Variants in RAPGEF1 observed in about 807,000 individuals in gnomAD.
The protein encoded by RAPGEF1 is CRK SH3-binding GNRP.
A neutral mutation model predicts 143.3 loss-of-function variants in RAPGEF1; 33 were observed. That is an observed-to-expected ratio of 0.23 (90% CI 0.17 to 0.31). The LOEUF (loss-of-function observed/expected upper bound fraction) is 0.31, where lower values mean the gene tolerates loss of function less well. Among genes scored for constraint, RAPGEF1 ranks in the 10% least tolerant of loss-of-function variants. The pLI, the probability that RAPGEF1 is intolerant of heterozygous loss-of-function variation, is 1.00. For missense variants in RAPGEF1, 1,199 were observed against 1,645.4 expected, an observed-to-expected ratio of 0.73 and a Z score of 4.69; for synonymous variants, 629 against 676.5, an observed-to-expected ratio of 0.93 and a Z score of 1.09.
intron 1 of RAPGEF1, among the ~76,000 whole-genome samples, chr9:131,717,038 T>C (rs1835912233): frequency 6.6e-6 from 1 of 152,132 alleles, no homozygotes; most frequent in African/African-American, 2.4e-5. Context: ...AGATCAGTGT[T>C]GAGGGTCCCA....
At chr9:131,592,346 C>T (rs1215774715) in intron 17 of RAPGEF1, among the ~76,000 whole-genome samples, 163 bp from the exon 18 acceptor site, 3 of 152,130 alleles carry the variant, frequency 2.0e-5, no homozygotes, top group Non-Finnish European at 2.9e-5. Flanking sequence ...CTGGTGTCTC[C>T]GCCTGCATGT....
intron 17 of RAPGEF1, among the ~76,000 whole-genome samples, 198 bp from the exon 18 acceptor site, chr9:131,592,381 T>G (rs1263768542): frequency 6.6e-6 from 1 of 152,148 alleles, no homozygotes; most frequent in Non-Finnish European, 1.5e-5. Context: ...ACGTCCTCTC[T>G]GTCCATCTCT....
chr9:131,621,738 G>T lies in RAPGEF1; in HGVS notation c.1905+58C>A. 1 of 1,501,410 alleles carries T rather than the reference G, an allele frequency of 6.7e-7. No homozygotes were observed. Among genetic ancestry groups the T allele is most frequent in the Non-Finnish European group, 9.0e-7 (1 of 1,108,232 alleles). 93.0% of individuals were successfully genotyped at this position (1,501,410 alleles called of 1,614,324 possible). Reference sequence around the variant, plus strand: ...CCCTGCCCCCAAGGAGGGTCATTCTGGTTCCTAGAGACCTGCTAGGATCGG... The same window carrying T: ...CCCTGCCCCCAAGGAGGGTCATTCTTGTTCCTAGAGACCTGCTAGGATCGG... On this transcript the variant is annotated intron_variant, in intron 11 of 26. Coordinates refer to ENST00000683357, the MANE Select transcript of RAPGEF1 (RefSeq NM_001377935.1). The surrounding 1 kb of genome is among the most constrained non-coding windows in gnomAD (Gnocchi z 4.5).
At chr9:131,639,449 T>TGTGC (rs2133250830) in intron 4 of RAPGEF1, among the ~76,000 whole-genome samples, 1 of 150,614 alleles carries the variant, frequency 6.6e-6, no homozygotes, top group South Asian at 2.1e-4. Flanking sequence ...TGTGTGTGTG[T>TGTGC]GTGTGTGTGT....
At chr9:131,733,696 G>A (rs1241020577) in intron 1 of RAPGEF1, among the ~76,000 whole-genome samples, 2 of 152,220 alleles carry the variant, frequency 1.3e-5, no homozygotes, top group Non-Finnish European at 2.9e-5. Flanking sequence ...GGGTGGGGCA[G>A]GCGGTGGGTT....
Position 131,650,574 on chromosome 9 carries a change from T to C in RAPGEF1, c.201+236A>G, listed in dbSNP as rs1970829721. On this transcript the variant is annotated intron_variant, in intron 2 of 26. Transcript: ENST00000683357. The surrounding 1 kb of genome is among the most constrained non-coding windows in gnomAD (Gnocchi z 4.7). ...TGAGCTGTTTTAAATGCCCAGAGGA[T>C]GACACAGCTGGAAAAGGAGAACTGT... is the stretch of plus-strand genomic sequence containing the variant. 6.6e-6 allele frequency among the ~76,000 whole-genome samples: 1 copy of C among 152,138 alleles called. No individual in the cohort carries two copies. Among genetic ancestry groups the C allele is most frequent in the African/African-American group, 2.4e-5 (1 of 41,444 alleles).
rs745938419 is a variant in RAPGEF1 at position 131,605,077 on chromosome 9, G to A, written c.2173C>T (p.His725Tyr). The A allele has an allele frequency of 1.5e-6, 2 of 1,365,366 alleles. No individual in the cohort carries two copies. The highest frequency in any genetic ancestry group is 2.0e-6 in the Non-Finnish European group (2 of 1,021,516). 84.6% of individuals were successfully genotyped at this position (1,365,366 alleles called of 1,614,324 possible). A position where few individuals can be genotyped will look rare whatever the true frequency, so the allele number is the denominator to read the frequency against. ...SSSSPHFPPA[H>Y]QSQSSDLAVP... ...GCTAAGTCAGAGCTCTGAGACTGGT[G>A]GGCAGGTGGGAAATGTGGAGAGGAA... The change falls in exon 13 of 27, where the codon CAC (histidine) becomes TAC (tyrosine). Residue 725 changes from histidine to tyrosine, a missense_variant. Physicochemically the swap from His to Tyr is moderately conservative, Grantham distance 83. Coordinates refer to ENST00000683357, the MANE Select transcript of RAPGEF1 (RefSeq NM_001377935.1).
intron 1 of RAPGEF1, among the ~76,000 whole-genome samples, chr9:131,722,995 A>C (rs1299929295): frequency 1.3e-5 from 2 of 152,340 alleles, no homozygotes; most frequent in South Asian, 4.1e-4. Context: ...GGAGTTTGAG[A>C]CCAGCCTAGC....
chr9:131,656,674 C>A (rs550627496), intron 1 of RAPGEF1, among the ~76,000 whole-genome samples: 1 of 152,186 alleles, frequency 6.6e-6, no homozygotes, highest in African/African-American at 2.4e-5. Context: ...TTCACAACTG[C>A]GCCGTCATGA....
At chr9:131,639,429 C>T (rs943265310) in intron 4 of RAPGEF1, among the ~76,000 whole-genome samples, 6 of 98,718 alleles carry the variant, frequency 6.1e-5, no homozygotes, top group Admixed American at 2.3e-4. Context: ...AGGATGGGAA[C>T]GCAGGTGAGT....
intron 1 of RAPGEF1, among the ~76,000 whole-genome samples, chr9:131,673,641 G>A (rs1831766345): frequency 6.6e-6 from 1 of 152,214 alleles, no homozygotes; most frequent in African/African-American, 2.4e-5. Flanking sequence ...CAGATGGTTA[G>A]AAAGCAGGAC....
chr9:131,663,382 A>C (rs1829904994), intron 1 of RAPGEF1, among the ~76,000 whole-genome samples: 1 of 152,098 alleles, frequency 6.6e-6, no homozygotes, highest in East Asian at 1.9e-4. Context: ...TAACATTATC[A>C]TACCCAAGAT....
At chr9:131,588,546 G>A (rs114400605) in intron 20 of RAPGEF1, among the ~76,000 whole-genome samples, 2,614 of 152,264 alleles carry the variant, frequency 0.017, 74 homozygotes, top group African/African-American at 0.058. Context: ...CCCAGGGTGT[G>A]TGCACTCCTG....
chr9:131,691,017 T>C (rs531971945), intron 1 of RAPGEF1, among the ~76,000 whole-genome samples: 84 of 152,348 alleles, frequency 5.5e-4, no homozygotes, highest in African/African-American at 2.0e-3. Context: ...AGATTTTGTG[T>C]TTTATCAAGA....
chr9:131,660,523 G>A (rs997444346), intron 1 of RAPGEF1, among the ~76,000 whole-genome samples: 2 of 151,654 alleles, frequency 1.3e-5, no homozygotes, highest in African/African-American at 2.4e-5. Context: ...TCTGCTGGAC[G>A]GCAACCACAG....
rs753161138 is a variant in RAPGEF1 at position 131,598,314 on chromosome 9, C to T, written c.2502-4G>A. 28 of 1,612,388 alleles carry T rather than the reference C, an allele frequency of 1.7e-5. No individual in the cohort carries two copies. Among genetic ancestry groups the T allele is most frequent in the Middle Eastern group, 1.7e-4 (1 of 6,054 alleles). ...AGCATCTGGTGACTTTGGGGCCCTG[C>T]GGGGAGAAGTGGTTTGTGTTGCAAG... On this transcript the variant is annotated splice_region_variant and splice_polypyrimidine_tract_variant and intron_variant, in intron 15 of 26. Transcript: ENST00000683357.
At chr9:131,629,034 G>A in intron 7 of RAPGEF1, 68 bp downstream of exon 7, 1 of 1,557,138 alleles carries the variant, frequency 6.4e-7, no homozygotes, top group African/African-American at 1.4e-5. Flanking sequence ...AAGGGCCCGA[G>A]CCCTGTCTTC....
At chr9:131,725,992 C>G (rs998309619) in intron 1 of RAPGEF1, among the ~76,000 whole-genome samples, 1 of 151,856 alleles carries the variant, frequency 6.6e-6, no homozygotes, top group African/African-American at 2.4e-5. Context: ...ATCTCCTGAC[C>G]TCGTGATTCA....
At chr9:131,597,868 G>A (rs1015614344) in intron 16 of RAPGEF1, among the ~76,000 whole-genome samples, 1 of 152,120 alleles carries the variant, frequency 6.6e-6, no homozygotes, top group African/African-American at 2.4e-5. Context: ...TCCCATTAGT[G>A]AGGGCCGGCC....
Sources: allele counts gnomAD v4.1 joint callset (sites outside exome capture counted in the v4.1 genomes callset), GRCh38; gene constraint gnomAD v4.1.1; non-coding constraint Gnocchi (gnomAD v3.1); transcripts MANE v1.5; gene names NCBI Gene and HGNC (gene_info 2026-07-23, HGNC 2026-07-21).